The following PHLDB2 variants were observed in gnomAD, a reference collection of about 807,000 sequenced individuals.
PHLDB2 encodes pleckstrin homology like domain family B member 2.
A neutral mutation model predicts 123.6 loss-of-function variants in PHLDB2; 71 were observed. The ratio of observed to expected loss-of-function variants is 0.57; its 90% confidence interval spans 0.47 to 0.70. The LOEUF (loss-of-function observed/expected upper bound fraction) is 0.70, where lower values mean the gene tolerates loss of function less well. Ranked by LOEUF, PHLDB2 falls within the 30% of genes least tolerant of loss-of-function variation. The pLI is 0.00. For synonymous variants in PHLDB2, 547 were observed against 541.6 expected (o/e 1.01, Z -0.14); for missense variants, 1,446 against 1,519.5 (o/e 0.95, Z 0.80).
intron 1 of PHLDB2, among the ~76,000 whole-genome samples, chr3:111,745,636 C>G (rs2059668404): frequency 6.6e-6 from 1 of 152,114 alleles, no homozygotes; most frequent in African/African-American, 2.4e-5. Context: ...TGGTGACACA[C>G]CAGTAGTCCC....
At chr3:111,830,404 A>C (rs2062885908) in intron 1 of PHLDB2, among the ~76,000 whole-genome samples, 1 of 151,700 alleles carries the variant, frequency 6.6e-6, no homozygotes, top group Admixed American at 6.6e-5. Flanking sequence ...AATTTATGAG[A>C]TATCATATGG....
chr3:111,893,121 G>C (rs1485178324), intron 2 of PHLDB2, among the ~76,000 whole-genome samples: 1 of 151,852 alleles, frequency 6.6e-6, no homozygotes, highest in Non-Finnish European at 1.5e-5. Context: ...TGGGCATTCA[G>C]ACCTTTTTGG....
chr3:111,780,271 AAAG>A (rs1553726675), intron 1 of PHLDB2, among the ~76,000 whole-genome samples: 1 of 7,772 alleles, frequency 1.3e-4, no homozygotes, highest in African/African-American at 4.1e-4. Context: ...AAGAAGAAGA[AAAG>A]AAGAAGAAGA....
intron 3 of PHLDB2, chr3:111,916,635 G>A (rs1334826615): frequency 1.3e-5 from 2 of 152,166 alleles, no homozygotes; most frequent in Non-Finnish European, 2.9e-5. Flanking sequence ...AGATGCAGAT[G>A]ACTTTGGAAA....
chr3:111,911,339 G>A (rs1449140677), intron 2 of PHLDB2, among the ~76,000 whole-genome samples: 3 of 152,200 alleles, frequency 2.0e-5, no homozygotes, highest in Non-Finnish European at 4.4e-5. Flanking sequence ...CTAAGTGGCA[G>A]AAAAAGAACT....
At chr3:111,970,504 CAG>C (rs2107689826) in intron 16 of PHLDB2, among the ~76,000 whole-genome samples, 1 of 152,140 alleles carries the variant, frequency 6.6e-6, no homozygotes, top group East Asian at 1.9e-4. Context: ...CTTTTAAGCA[CAG>C]AGAGTAAAGC....
intron 1 of PHLDB2, among the ~76,000 whole-genome samples, chr3:111,869,967 A>G (rs543403676): frequency 6.6e-6 from 1 of 152,344 alleles, no homozygotes; most frequent in Admixed American, 6.5e-5. Context: ...AACATGGTGC[A>G]AAGGAAGAGG....
chr3:111,960,083 T>G, intron 12 of PHLDB2: 1 of 635,564 alleles, frequency 1.6e-6, no homozygotes, highest in South Asian at 7.1e-5. Context: ...TGTGAGCTTT[T>G]CAAATAATTT....
chr3:111,938,473 TTATAAA>T (rs2069643985), intron 6 of PHLDB2, among the ~76,000 whole-genome samples: 1 of 152,236 alleles, frequency 6.6e-6, no homozygotes, highest in East Asian at 1.9e-4. Context: ...ATCCATATTA[TTATAAA>T]TATATATAGT....
At chr3:111,858,451 C>G (rs1372637846), upstream of PHLDB2, among the ~76,000 whole-genome samples, 1 of 152,114 alleles carries the variant, frequency 6.6e-6, no homozygotes, top group South Asian at 2.1e-4. Flanking sequence ...GCACATGTAT[C>G]CCAGAACTTA....
At chr3:111,953,691 T>G in intron 11 of PHLDB2, 1 of 403,546 alleles carries the variant, frequency 2.5e-6, no homozygotes, top group Non-Finnish European at 4.5e-6. Context: ...TCCCCAGCTG[T>G]CTTCACTTTT....
Position 111,792,629 on chromosome 3 carries a change from C to T in PHLDB2, c.-48-53192C>T, listed in dbSNP as rs111318149. 1.9e-3 allele frequency among the ~76,000 whole-genome samples: 285 copies of T among 152,162 alleles called. 1 individual carries two copies. The highest frequency in any genetic ancestry group is 6.3e-3 in the African/African-American group (263 of 41,512). ...GGCTGAGGTGGAAGGATCATTTGAG[C>T]CCAGGAATTTGAAGCTTTAGTGAGC... is the stretch of plus-strand genomic sequence containing the variant. On this transcript the variant is annotated intron_variant, in intron 1 of 17. Coordinates refer to the PHLDB2 transcript ENST00000393923.
intron 1 of PHLDB2, among the ~76,000 whole-genome samples, chr3:111,823,006 A>G (rs778022548): frequency 6.6e-6 from 1 of 152,228 alleles, no homozygotes; most frequent in Non-Finnish European, 1.5e-5. Context: ...TCCTGGAAGG[A>G]GCTTCAGTGA....
chr3:111,766,736 A>G (rs2060088684), intron 1 of PHLDB2, among the ~76,000 whole-genome samples: 1 of 152,132 alleles, frequency 6.6e-6, no homozygotes, highest in African/African-American at 2.4e-5. Flanking sequence ...TTGTCTTTCA[A>G]GAGTTAGCAA....
At chr3:111,942,690 G>A (rs2069987418) in intron 8 of PHLDB2, among the ~76,000 whole-genome samples, 1 of 152,016 alleles carries the variant, frequency 6.6e-6, no homozygotes, top group South Asian at 2.1e-4. Flanking sequence ...ATGCAAGAAG[G>A]CTGTGAAGGG....
intron 1 of PHLDB2, among the ~76,000 whole-genome samples, chr3:111,883,085 G>A (rs1409393377): frequency 1.3e-5 from 2 of 152,120 alleles, no homozygotes; most frequent in African/African-American, 2.4e-5. Flanking sequence ...CAGTGACAAT[G>A]TTTAAACTGT....
In PHLDB2 at chr3:111,859,440, A is replaced by C. The variant is rs2064679315; in HGVS notation, c.-151A>C. ...CGCCGCGGTGGTTACAAAGGGGGTC[A>C]AGAGTGCCGGACCCAGCCGCGCGGA... On this transcript the variant is annotated 5_prime_UTR_variant, in exon 1 of 18. Transcript: ENST00000431670. 2.0e-6 allele frequency: 2 copies of C among 985,582 alleles called. No homozygotes were observed. The highest frequency in any genetic ancestry group is 2.4e-6 in the Non-Finnish European group (2 of 830,052). The allele number at this position is 985,582 out of a possible 1,614,324, so 61.1% of individuals were successfully genotyped here.
At chr3:111,955,473 A>C (rs2070997341) in intron 12 of PHLDB2, among the ~76,000 whole-genome samples, 1 of 152,058 alleles carries the variant, frequency 6.6e-6, no homozygotes, top group Non-Finnish European at 1.5e-5. Context: ...ATTTGAGACA[A>C]GGTCTCACTC....
chr3:111,847,670 C>T (rs983054317), intron 2 of PHLDB2, among the ~76,000 whole-genome samples: 1 of 74,030 alleles, frequency 1.4e-5, no homozygotes, highest in Non-Finnish European at 2.8e-5. Context: ...CTTCCATTTC[C>T]TTGGGAGAGC....
Sources: gnomAD v4.1 joint callset for allele counts (sites outside exome capture counted in the v4.1 genomes callset) on GRCh38, gnomAD v4.1.1 for gene constraint, MANE v1.5 for transcripts, NCBI Gene and HGNC (gene_info 2026-07-23, HGNC 2026-07-21) for gene names.